Variants in VWC2L observed in about 807,000 individuals in gnomAD.
VWC2L encodes the protein von Willebrand factor C domain containing 2 like.
In VWC2L, 10 loss-of-function variants were observed where a neutral mutation model predicts 21.6. The ratio of observed to expected loss-of-function variants is 0.46; its 90% CI spans 0.29 to 0.78. VWC2L has a LOEUF of 0.78. Among genes scored for constraint, VWC2L ranks in the 30% least tolerant of loss-of-function variants. The pLI is 0.10. For synonymous variants in VWC2L, 96 were observed against 94.3 expected (o/e 1.02, Z -0.10); for missense variants, 209 against 277.1 (o/e 0.75, Z 1.74).
At chr2:214,486,656 C>T (rs1355500294) in intron 3 of VWC2L, among the ~76,000 whole-genome samples, 3 of 152,026 alleles carry the variant, frequency 2.0e-5, no homozygotes, top group Non-Finnish European at 4.4e-5. Flanking sequence ...GAATGTTGCC[C>T]GTACACTCAG....
intron 2 of VWC2L, among the ~76,000 whole-genome samples, chr2:214,422,437 T>C (rs1487220090): frequency 6.6e-6 from 1 of 152,218 alleles, no homozygotes; most frequent in Admixed American, 6.5e-5. Context: ...TGTTTTGTTA[T>C]CCTGCATCTT....
chr2:214,538,937 C>A (rs1689583741), intron 3 of VWC2L, among the ~76,000 whole-genome samples: 1 of 152,032 alleles, frequency 6.6e-6, no homozygotes, highest in Non-Finnish European at 1.5e-5. Context: ...CACATTAAAA[C>A]CTCTATTGGG....
At chr2:214,509,198 G>A (rs1043237314) in intron 3 of VWC2L, among the ~76,000 whole-genome samples, 1 of 152,046 alleles carries the variant, frequency 6.6e-6, no homozygotes, top group Non-Finnish European at 1.5e-5. Flanking sequence ...TAAACTGCTC[G>A]CATCTAAACT....
At chr2:214,511,370 T>C (rs995611713) in intron 3 of VWC2L, among the ~76,000 whole-genome samples, 17 of 152,172 alleles carry the variant, frequency 1.1e-4, no homozygotes, top group African/African-American at 3.9e-4. Flanking sequence ...GAAGCCCTAA[T>C]CACCAAGGTG....
intron 3 of VWC2L, among the ~76,000 whole-genome samples, chr2:214,515,488 T>C (rs950036943): frequency 5.9e-5 from 9 of 152,166 alleles, no homozygotes; most frequent in African/African-American, 2.2e-4. Flanking sequence ...CATTTCCCAA[T>C]CAGGGTCCAA....
At chr2:214,480,864 C>CAAAAAAAAAAAAAA (rs59720596) in intron 3 of VWC2L, among the ~76,000 whole-genome samples, 24 of 71,756 alleles carry the variant, frequency 3.3e-4, no homozygotes, top group African/African-American at 1.2e-3. Flanking sequence ...TATGCCAAGC[C>CAAAAAAAAAAAAAA]AAAAAAAAAA....
chr2:214,501,143 C>G (rs527702400), intron 3 of VWC2L, among the ~76,000 whole-genome samples: 1 of 152,234 alleles, frequency 6.6e-6, no homozygotes, highest in African/African-American at 2.4e-5. Context: ...GCAGACTGGC[C>G]TACTGGTGAT....
chr2:214,572,777 T>C (rs1690171658), intron 3 of VWC2L, among the ~76,000 whole-genome samples: 1 of 152,152 alleles, frequency 6.6e-6, no homozygotes, highest in Non-Finnish European at 1.5e-5. Flanking sequence ...CTCAGACAGG[T>C]ACTAATAAAA....
intron 3 of VWC2L, among the ~76,000 whole-genome samples, chr2:214,521,253 A>G (rs1245565278): frequency 1.3e-5 from 2 of 149,224 alleles, no homozygotes; most frequent in African/African-American, 4.9e-5. Context: ...ATAAATAAAT[A>G]AATAAATAAA....
intron 2 of VWC2L, among the ~76,000 whole-genome samples, chr2:214,415,883 C>T (rs1702347115): frequency 6.6e-6 from 1 of 152,064 alleles, no homozygotes; most frequent in Non-Finnish European, 1.5e-5. Context: ...GAAGTAAAAG[C>T]ATGAGAGTCT....
chr2:214,461,378 C>A (rs1703137794), intron 3 of VWC2L, among the ~76,000 whole-genome samples: 1 of 152,136 alleles, frequency 6.6e-6, no homozygotes, highest in Non-Finnish European at 1.5e-5. Flanking sequence ...CAAGGGGGAA[C>A]ACTCTAGTGT....
At chr2:214,454,225 T>C (rs6705831) in intron 3 of VWC2L, among the ~76,000 whole-genome samples, 3,354 of 152,258 alleles carry the variant, frequency 0.022, 112 homozygotes, top group African/African-American at 0.076. Flanking sequence ...TGTCTGTGAA[T>C]AAAGACAGTT....
intron 3 of VWC2L, among the ~76,000 whole-genome samples, chr2:214,451,470 A>C (rs1702954059): frequency 6.6e-6 from 1 of 152,118 alleles, no homozygotes; most frequent in African/African-American, 2.4e-5. Context: ...AGATCTATGA[A>C]TGCTAAATCT....
chr2:214,470,806 A>T (rs964307308), intron 3 of VWC2L, among the ~76,000 whole-genome samples: 2 of 150,054 alleles, frequency 1.3e-5, no homozygotes, highest in Non-Finnish European at 3.0e-5. Context: ...CCAGCTATTC[A>T]GGAGGGAGGC....
intron 3 of VWC2L, among the ~76,000 whole-genome samples, chr2:214,534,498 AT>A (rs751330920): frequency 1.3e-5 from 2 of 152,098 alleles, no homozygotes; most frequent in Non-Finnish European, 2.9e-5. Context: ...ATGAGAAAGC[AT>A]TGGTGGGAGA....
intron 3 of VWC2L, among the ~76,000 whole-genome samples, chr2:214,532,045 T>G (rs1689444365): frequency 6.6e-6 from 1 of 152,122 alleles, no homozygotes; most frequent in African/African-American, 2.4e-5. Flanking sequence ...TTATAATGGT[T>G]GTAACATTTA....
chr2:214,475,613 T>C lies in VWC2L; in HGVS notation c.520+38855T>C, dbSNP rs560373514. On this transcript the variant is annotated intron_variant, in intron 3 of 3. Transcript: ENST00000312504. Reference sequence around the variant, plus strand: ...GAAATAGAAGACATGACATCTGCAATGGAGGCACCATTCTGCTCTGGTCAA... The same window carrying C: ...GAAATAGAAGACATGACATCTGCAACGGAGGCACCATTCTGCTCTGGTCAA... Among the ~76,000 whole-genome samples the C allele has an allele frequency of 8.2e-4, 125 of 152,228 alleles. 2 individuals are homozygous for C. In the South Asian group the frequency reaches 9.3e-3, roughly 11 times the overall value.
intron 3 of VWC2L, among the ~76,000 whole-genome samples, chr2:214,509,191 A>C (rs1689015479): frequency 6.6e-6 from 1 of 152,010 alleles, no homozygotes; most frequent in South Asian, 2.1e-4. Flanking sequence ...TCCCATATAA[A>C]CTGCTCGCAT....
intron 3 of VWC2L, among the ~76,000 whole-genome samples, chr2:214,568,453 C>T (rs1035511365): frequency 2.0e-5 from 3 of 152,020 alleles, no homozygotes; most frequent in Admixed American, 6.6e-5. Context: ...AAAGACATAC[C>T]CGAGACTAGG....
Sources: allele counts gnomAD v4.1 joint callset (sites outside exome capture counted in the v4.1 genomes callset), GRCh38; gene constraint gnomAD v4.1.1; transcripts MANE v1.5; gene names NCBI Gene and HGNC (gene_info 2026-07-23, HGNC 2026-07-21).